PCDHA6: variants seen among roughly 807,000 people sequenced by gnomAD.
The protein encoded by PCDHA6 is protocadherin alpha-6.
In PCDHA6, 55 loss-of-function variants were observed where a neutral mutation model predicts 60.3. That is an observed-to-expected ratio of 0.91 (90% CI 0.73 to 1.14). PCDHA6 has a LOEUF of 1.14. PCDHA6 is among the 50% of genes most tolerant of loss of function. The pLI is 0.00. For synonymous variants in PCDHA6, 652 were observed against 557.9 expected, an observed-to-expected ratio of 1.17 and a Z score of -2.38; for missense variants, 1,327 against 1,256.5, an observed-to-expected ratio of 1.06 and a Z score of -0.85.
In PCDHA6 at chr5:140,829,623, A is replaced by G; in HGVS notation, c.1532A>G (p.His511Arg). 1 of 1,612,184 alleles carries G rather than the reference A, an allele frequency of 6.2e-7. No homozygotes were observed. The highest frequency in any genetic ancestry group is 8.5e-7 in the Non-Finnish European group (1 of 1,179,788). Residue 511 changes from histidine to arginine, a missense_variant, in exon 1 of 4, where the codon CAC (histidine) becomes CGC (arginine). His to Arg is a conservative substitution (Grantham distance 29). Transcript: ENST00000529310. The part of the protein sequence containing the change: ...ERALSSYISV[H>R]AESGKVYALQ... The stretch of plus-strand genomic sequence containing the variant: ...GCGTTGTCGAGCTACATTTCGGTGC[A>G]CGCGGAGAGCGGCAAGGTGTACGCG...
chr5:140,920,817 C>A (rs1430508925), intron 1 of PCDHA6, among the ~76,000 whole-genome samples: 1 of 150,498 alleles, frequency 6.6e-6, no homozygotes, highest in African/African-American at 2.5e-5. Flanking sequence ...GCACTCCAGC[C>A]TGGCGACGGA....
rs371212960 is a variant in PCDHA6 at position 140,891,914 on chromosome 5, C to T, written c.2394+61429C>T. ...GCAGCAAGAAGATCTTCACCAGATG[C>T]TGGTGCCTTGATCTTGGACTTCCCC... On this transcript the variant is annotated intron_variant, in intron 1 of 3. Transcript: ENST00000529310. Among the ~76,000 whole-genome samples the T allele has an allele frequency of 2.6e-3, 395 of 152,328 alleles. 2 individuals carry two copies. The highest frequency in any genetic ancestry group is 9.2e-3 in the African/African-American group (384 of 41,572).
At chr5:140,990,893 T>C (rs1554251806) in intron 3 of PCDHA6, among the ~76,000 whole-genome samples, 1 of 152,178 alleles carries the variant, frequency 6.6e-6, no homozygotes, top group East Asian at 1.9e-4. Context: ...GAGTGGGTCG[T>C]TGCTGGGTCA....
intron 1 of PCDHA6, among the ~76,000 whole-genome samples, chr5:140,961,765 T>C (rs2095634679): frequency 6.6e-6 from 1 of 152,244 alleles, no homozygotes; most frequent in African/African-American, 2.4e-5. Flanking sequence ...AAGGAATTTA[T>C]ATCAAGCTTA....
intron 1 of PCDHA6, among the ~76,000 whole-genome samples, chr5:140,978,590 A>G (rs192815977): frequency 2.0e-4 from 31 of 152,334 alleles, no homozygotes; most frequent in African/African-American, 7.5e-4. Context: ...TGTTCCCTTA[A>G]TGGGGCACTT....
At chr5:140,970,271 G>A (rs1395602971) in intron 1 of PCDHA6, among the ~76,000 whole-genome samples, 1 of 152,200 alleles carries the variant, frequency 6.6e-6, no homozygotes, top group Non-Finnish European at 1.5e-5. Context: ...TTGATGAGAT[G>A]TAAAGTAGCC....
At chr5:140,929,153 A>T in intron 1 of PCDHA6, 1 of 1,614,164 alleles carries the variant, frequency 6.2e-7, no homozygotes, top group African/African-American at 1.3e-5. Context: ...TCTCAGACTT[A>T]TCTCTATCGG....
intron 1 of PCDHA6, among the ~76,000 whole-genome samples, chr5:140,957,961 G>C (rs1188264296): frequency 6.6e-6 from 1 of 152,048 alleles, no homozygotes; most frequent in Non-Finnish European, 1.5e-5. Flanking sequence ...TATTAATTCA[G>C]AGATGCTGTA....
intron 1 of PCDHA6, among the ~76,000 whole-genome samples, chr5:140,947,710 A>G (rs2094165762): frequency 6.6e-6 from 1 of 151,556 alleles, no homozygotes; most frequent in African/African-American, 2.4e-5. Context: ...TTAAGTATTG[A>G]GGTTTCAAAA....
At chr5:140,945,091 TAAAC>T (rs1467444609) in intron 1 of PCDHA6, among the ~76,000 whole-genome samples, 2 of 152,110 alleles carry the variant, frequency 1.3e-5, no homozygotes, top group African/African-American at 2.4e-5. Context: ...TTGGAACTAA[TAAAC>T]AAAATAAAGT....
rs78166744 is a variant in PCDHA6, at chr5:140,875,394, G to A, written c.2394+44909G>A. Reference sequence around the variant, plus strand: ...TACTAAATATGTACTTACAGAAAAGGGTGACTGCTCATAAAATACCTCAGG... The same window carrying A: ...TACTAAATATGTACTTACAGAAAAGAGTGACTGCTCATAAAATACCTCAGG... On this transcript the variant is annotated intron_variant, in intron 1 of 3. Coordinates refer to ENST00000529310, the MANE Select transcript of PCDHA6 (RefSeq NM_018909.4). The A allele has an allele frequency of 1.4e-3, 2,104 of 1,476,976 alleles. 18 individuals carry two copies. The African/African-American group carries it at 0.02, about 14-fold the overall frequency. The allele number at this position is 1,476,976 out of a possible 1,614,324, so 91.5% of individuals were successfully genotyped here.
At chr5:141,000,414 TATATATA>T (rs1167743190) in intron 3 of PCDHA6, among the ~76,000 whole-genome samples, 31 of 99,528 alleles carry the variant, frequency 3.1e-4, no homozygotes, top group African/African-American at 9.8e-4. Context: ...TATATATATA[TATATATA>T]TTTTTTTTTT....
chr5:140,850,626 T>C (rs1554144591), intron 1 of PCDHA6: 1 of 1,598,444 alleles, frequency 6.3e-7, no homozygotes, highest in African/African-American at 1.3e-5. Flanking sequence ...GTCTAGCCTG[T>C]TGGTTCTCAC....
At chr5:140,965,521 G>T (rs1554227745) in intron 1 of PCDHA6, among the ~76,000 whole-genome samples, 1 of 150,834 alleles carries the variant, frequency 6.6e-6, no homozygotes, top group African/African-American at 2.4e-5. Flanking sequence ...TAACTGCAAA[G>T]CATTAATGGA....
chr5:140,849,923 G>C, intron 1 of PCDHA6: 3 of 1,598,322 alleles, frequency 1.9e-6, no homozygotes, highest in Non-Finnish European at 2.6e-6. Context: ...ACATCTTCAC[G>C]GTGTCTGCGC....
At chr5:140,984,973 T>C (rs1397062066) in intron 3 of PCDHA6, among the ~76,000 whole-genome samples, 1 of 152,150 alleles carries the variant, frequency 6.6e-6, no homozygotes, top group Non-Finnish European at 1.5e-5. Context: ...AGTCTCGCTC[T>C]GTCCCCCAGG....
rs138800056 is a variant in PCDHA6 at position 140,842,341 on chromosome 5, T to C, written c.2394+11856T>C. 5.9e-4 allele frequency: 943 copies of C among 1,607,778 alleles called. 5 individuals are homozygous for C. The highest frequency in any genetic ancestry group is 7.8e-4 in the Non-Finnish European group (921 of 1,174,582). ...GTCATTGCACCGTTTTAGTGAGAAT[T>C]TTGGATAAAAATGATAACGTCCCTG... On this transcript the variant is annotated intron_variant, in intron 1 of 3. Transcript: ENST00000529310.
chr5:140,928,792 G>T (rs1190569981), intron 1 of PCDHA6: 1 of 1,614,048 alleles, frequency 6.2e-7, no homozygotes, highest in African/African-American at 1.3e-5. Context: ...TAAGCAGAGG[G>T]TGGTGGTAGT....
chr5:140,961,738 G>A (rs976601916), intron 1 of PCDHA6, among the ~76,000 whole-genome samples: 2 of 152,118 alleles, frequency 1.3e-5, no homozygotes, highest in African/African-American at 4.8e-5. Flanking sequence ...AATCACTTTA[G>A]TAATATTACA....
Sources: gnomAD v4.1 joint callset for allele counts (sites outside exome capture counted in the v4.1 genomes callset) on GRCh38, gnomAD v4.1.1 for gene constraint, MANE v1.5 for transcripts, NCBI Gene and HGNC (gene_info 2026-07-23, HGNC 2026-07-21) for gene names.